SLC25A30: variants seen among roughly 807,000 people sequenced by gnomAD.
SLC25A30 encodes solute carrier family 25 member 30.
Under a neutral mutation model 42.7 loss-of-function variants are expected in SLC25A30, and 29 were observed. The ratio of observed to expected loss-of-function variants is 0.68; its 90% CI spans 0.51 to 0.93. SLC25A30 has a LOEUF of 0.93. SLC25A30 is among the 40% of genes least tolerant of loss of function. The pLI is 0.00. For missense variants in SLC25A30, 300 were observed against 359.7 expected, an observed-to-expected ratio of 0.83 and a Z score of 1.34; for synonymous variants, 124 against 131.0, an observed-to-expected ratio of 0.95 and a Z score of 0.37.
chr13:45,432,709 T>TAAA, the SLC25A30 span, among the ~76,000 whole-genome samples: 3 of 130,466 alleles, frequency 2.3e-5, no homozygotes, highest in African/African-American at 8.5e-5. Flanking sequence ...TATAGGACAC[T>TAAA]AAAAAAAAAA....
In SLC25A30 at chr13:45,408,935, G is replaced by A; in HGVS notation, c.204C>T (p.Leu68=). 1.2e-6 allele frequency: 2 copies of A among 1,608,590 alleles called. 1 individual carries two copies. Among genetic ancestry groups the A allele is most frequent in the South Asian group, 2.2e-5 (2 of 89,726 alleles). The part of the protein sequence containing the change: ...RIGREEGLKA[L]YSGIAPAMLR... Reference sequence around the variant, plus strand: ...CATGAAGGCCTACTCACCCCGAGTAGAGTGCTTTCAGCCCTTCTTCTCTGC... The same window carrying A: ...CATGAAGGCCTACTCACCCCGAGTAAAGTGCTTTCAGCCCTTCTTCTCTGC... The change falls in exon 3 of 10, where the codon CTC becomes CTT. Residue 68 remains leucine (L), a synonymous_variant. Coordinates refer to ENST00000519676, the MANE Select transcript of SLC25A30 (RefSeq NM_001010875.4).
intron 4 of SLC25A30, among the ~76,000 whole-genome samples, chr13:45,404,980 T>C (rs770903708): frequency 1.3e-5 from 2 of 152,196 alleles, no homozygotes; most frequent in Non-Finnish European, 2.9e-5. Context: ...TGGAGTGCAG[T>C]GGCACAATCA....
chr13:45,408,948 CCTT>C lies in SLC25A30; in HGVS notation c.188_190del (p.Glu63del). ...TCACCCCGAGTAGAGTGCTTTCAGC[CCTT>C]CTTCTCTGCCTATCCTCACTAATGC... On this transcript the variant is annotated inframe_deletion, in exon 3 of 10. Transcript: ENST00000519676. 1.2e-6 allele frequency: 2 copies of C among 1,609,656 alleles called. No individual in the cohort carries two copies. The highest frequency in any genetic ancestry group is 1.7e-6 in the Non-Finnish European group (2 of 1,178,388).
In SLC25A30 at chr13:45,397,247, G is replaced by A; in HGVS notation, c.834+11C>T. 6.3e-7 allele frequency: 1 copy of A among 1,575,066 alleles called. No individual in the cohort carries two copies. The highest frequency in any genetic ancestry group is 8.7e-7 in the Non-Finnish European group (1 of 1,146,622). ...ATCTTTTTTCAGATCTATTGCAACA[G>A]AAAAGGATACAATGATATTCCAAGG... On this transcript the variant is annotated intron_variant, in intron 9 of 9. Transcript: ENST00000519676.
intron 1 of SLC25A30, among the ~76,000 whole-genome samples, chr13:45,414,635 T>TACACACAC (rs145462442): frequency 0.061 from 8,584 of 139,924 alleles, 292 homozygotes; most frequent in Middle Eastern, 0.096. Context: ...CACACACACA[T>TACACACAC]ACACACACAC....
chr13:45,419,621 G>A (rs1018999278), upstream of SLC25A30, among the ~76,000 whole-genome samples: 2 of 151,188 alleles, frequency 1.3e-5, no homozygotes, highest in Non-Finnish European at 3.0e-5. Context: ...ACCCGGCTGT[G>A]AACTCATGAT....
At chr13:45,404,048 T>A (rs1882264102) in intron 5 of SLC25A30, among the ~76,000 whole-genome samples, 1 of 152,166 alleles carries the variant, frequency 6.6e-6, no homozygotes, top group African/African-American at 2.4e-5. Context: ...CAAGGAACAT[T>A]TTCCGTGAAA....
At chr13:45,407,304 C>T (rs1347436793) in intron 3 of SLC25A30, among the ~76,000 whole-genome samples, 2 of 152,056 alleles carry the variant, frequency 1.3e-5, no homozygotes, top group Non-Finnish European at 2.9e-5. Flanking sequence ...GAGGCTGAGG[C>T]AGGAGAATTG....
Position 45,402,851 on chromosome 13 carries a change from G to A in SLC25A30, c.394-481C>T, listed in dbSNP as rs140043404. On this transcript the variant is annotated intron_variant, in intron 5 of 9. Transcript: ENST00000519676. ...CAGCTGAACCAAAAGGTATGCAGGC[G>A]AGCTAGCCAAGTGACAGCCACATGA... 589 of 984,644 alleles carry A rather than the reference G, an allele frequency of 6.0e-4. 5 individuals carry two copies. In the African/African-American group the frequency reaches 9.1e-3, roughly 15 times the overall value. 61.0% of individuals were successfully genotyped at this position (984,644 alleles called of 1,614,324 possible).
upstream of SLC25A30, among the ~76,000 whole-genome samples, chr13:45,419,569 TC>T (rs930679096): frequency 6.7e-6 from 1 of 150,306 alleles, no homozygotes; most frequent in Non-Finnish European, 1.5e-5. Context: ...TCCGCCTGCC[TC>T]GGCCTCCCAA....
rs1436510722 is a variant in SLC25A30, at chr13:45,404,396, T to A, written c.324A>T (p.Ile108=). The change falls in exon 5 of 10, where the codon ATA becomes ATT. Residue 108 remains isoleucine, a synonymous_variant. Coordinates refer to ENST00000519676, the MANE Select transcript of SLC25A30 (RefSeq NM_001010875.4). The part of the protein sequence containing the change: ...IERPEDETLP[I]NVICGILSGV... ...CAGACAGAATTCCACATATCACATT[T>A]ATCGGTAGAGTTTCATCTGTAAACA... is the stretch of plus-strand genomic sequence containing the variant. 6.2e-7 allele frequency: 1 copy of A among 1,612,594 alleles called. No individual in the cohort carries two copies. Among genetic ancestry groups the A allele is most frequent in the Admixed American group, 1.7e-5 (1 of 60,026 alleles).
At chr13:45,422,595 AC>A, upstream of SLC25A30, among the ~76,000 whole-genome samples, 1 of 152,250 alleles carries the variant, frequency 6.6e-6, no homozygotes, top group East Asian at 1.9e-4. Flanking sequence ...GATGCTTGCT[AC>A]TGGCAAGTTG....
chr13:45,432,739 TA>T, the SLC25A30 span, among the ~76,000 whole-genome samples: 59 of 145,550 alleles, frequency 4.1e-4, no homozygotes, highest in Admixed American at 1.0e-3. Context: ...TTCAGCATGT[TA>T]AAAAAAAAAA....
chr13:45,411,570 G>A (rs4941527), intron 1 of SLC25A30, 90 bp from the exon 2 acceptor site: 284,535 of 792,604 alleles, frequency 0.36, 56,873 homozygotes, highest in Non-Finnish European at 0.43. Flanking sequence ...TATTTGGAGA[G>A]TGCTATCACC....
At chr13:45,397,836 C>G (rs955971325) in intron 8 of SLC25A30, 2 of 965,470 alleles carry the variant, frequency 2.1e-6, no homozygotes, top group Admixed American at 1.2e-4. Context: ...CCCAACAACC[C>G]CACACGAAGG....
At chr13:45,418,005 C>T (rs1475803977) in intron 1 of SLC25A30, among the ~76,000 whole-genome samples, 2 of 152,190 alleles carry the variant, frequency 1.3e-5, no homozygotes, top group African/African-American at 4.8e-5. Context: ...GCACTCGGAT[C>T]TGAATGACCC....
chr13:45,417,179 T>C (rs1419494585), intron 1 of SLC25A30, among the ~76,000 whole-genome samples: 3 of 152,106 alleles, frequency 2.0e-5, no homozygotes, highest in Non-Finnish European at 4.4e-5. Context: ...GCCCGGCTAA[T>C]TTTGTATTTT....
chr13:45,398,433 C>A (rs965584582), intron 8 of SLC25A30: 50 of 152,134 alleles, frequency 3.3e-4, no homozygotes, highest in African/African-American at 1.2e-3. Flanking sequence ...CACATGTACC[C>A]CCTGAATCTA....
rs1415157736 is a variant in SLC25A30 at position 45,408,980 on chromosome 13, C to A, written c.159G>T (p.Leu53Phe). Residue 53 changes from leucine (L) to phenylalanine (F), a missense_variant, in exon 3 of 10, where the codon TTG becomes TTT. Physicochemically the swap from Leu to Phe is conservative, Grantham distance 22. Transcript: ENST00000519676. ...KFKEIRYRGM[L>F]HALVRIGREE... ...CTCTGCCTATCCTCACTAATGCGTGCAACATTCCTCGGTATCTAATTTCCT... is the reference window on the plus strand; with the variant it reads ...CTCTGCCTATCCTCACTAATGCGTGAAACATTCCTCGGTATCTAATTTCCT... 6.2e-7 allele frequency: 1 copy of A among 1,613,580 alleles called. No individual in the cohort carries two copies. The highest frequency in any genetic ancestry group is 8.5e-7 in the Non-Finnish European group (1 of 1,179,866).
Sources: allele counts gnomAD v4.1 joint callset (sites outside exome capture counted in the v4.1 genomes callset), GRCh38; gene constraint gnomAD v4.1.1; transcripts MANE v1.5; gene names NCBI Gene and HGNC (gene_info 2026-07-23, HGNC 2026-07-21).